The following SLC36A3 variants were observed in gnomAD, a reference collection of about 807,000 sequenced individuals.
SLC36A3 encodes the protein solute carrier family 36 member 3.
Under a neutral mutation model 44.3 loss-of-function variants are expected in SLC36A3, and 35 were observed. That is an observed-to-expected ratio of 0.79 (90% CI 0.60 to 1.05). SLC36A3 has a LOEUF of 1.05. Ranked by LOEUF, SLC36A3 falls within the 50% of genes least tolerant of loss-of-function variation. The pLI, the probability that SLC36A3 is intolerant of heterozygous loss-of-function variation, is 0.00. For missense variants in SLC36A3, 540 were observed against 578.7 expected, an observed-to-expected ratio of 0.93 and a Z score of 0.69; for synonymous variants, 211 against 227.6, an observed-to-expected ratio of 0.93 and a Z score of 0.66.
rs187420947 is a variant in SLC36A3 at position 151,302,709 on chromosome 5, C to T, written c.128+518G>A. Among the ~76,000 whole-genome samples the T allele has an allele frequency of 7.5e-3, 1,136 of 152,044 alleles. 14 individuals are homozygous for T. Among genetic ancestry groups the T allele is most frequent in the African/African-American group, 0.026 (1,082 of 41,446 alleles). On this transcript the variant is annotated intron_variant, in intron 1 of 9. Transcript: ENST00000335230. ...TACCTATGTAACAAACCCGCATGTCCTGTACATGTATCCTGGAACTTAAAA... is the reference window on the plus strand; with the variant it reads ...TACCTATGTAACAAACCCGCATGTCTTGTACATGTATCCTGGAACTTAAAA...
rs1302210267 is a variant in SLC36A3 at position 151,276,741 on chromosome 5, A to G, written c.*652T>C. 6.6e-6 allele frequency: 1 copy of G among 152,546 alleles called. No individual in the cohort carries two copies. The highest frequency in any genetic ancestry group is 6.5e-5 in the Admixed American group (1 of 15,318). The allele number at this position is 152,546 out of a possible 1,614,324, so 9.4% of individuals were successfully genotyped here. On this transcript the variant is annotated 3_prime_UTR_variant, in exon 10 of 10. Coordinates refer to ENST00000335230, the MANE Select transcript of SLC36A3 (RefSeq NM_181774.4). ...TTTCAGTTACTCCACCTCCTCACCA[A>G]CACTAGCATGGCCAGTTTTTGTGGT... is the stretch of plus-strand genomic sequence containing the variant.
chr5:151,295,040 G>A (rs536105682), intron 3 of SLC36A3, among the ~76,000 whole-genome samples: 1 of 148,676 alleles, frequency 6.7e-6, no homozygotes, highest in East Asian at 2.0e-4. Flanking sequence ...CTCTATATTA[G>A]AAAAAATAAA....
intron 3 of SLC36A3, among the ~76,000 whole-genome samples, 188 bp downstream of exon 3, chr5:151,295,992 C>CAGCA (rs1754945419): frequency 6.6e-6 from 1 of 152,188 alleles, no homozygotes; most frequent in South Asian, 2.1e-4. Flanking sequence ...TTAGCAGCAG[C>CAGCA]GTTGGATCTG....
chr5:151,296,312 A>G (rs1010900671), intron 2 of SLC36A3, 44 bp from the exon 3 acceptor site: 2 of 1,532,236 alleles, frequency 1.3e-6, no homozygotes, highest in Admixed American at 3.4e-5. Context: ...AGAAATGATC[A>G]CTCCCATTCC....
rs906032702 is a variant in SLC36A3, at chr5:151,284,686, G to A, written c.734C>T (p.Pro245Leu). ...GAAGGTCTTCCAGTTTGCCATCAAG[G>A]GTAGGTTGCTGGGATATGGAATCCC... ...MEGIPYPSNL[P>L]LMANWKTFLL... is the part of the protein sequence containing the mutation. Residue 245 changes from proline (P) to leucine (L), a missense_variant, in exon 7 of 10, where the codon CCC becomes CTC. Transcript: ENST00000335230. 1.9e-6 allele frequency: 3 copies of A among 1,613,026 alleles called. No individual in the cohort carries two copies. Among genetic ancestry groups the A allele is most frequent in the African/African-American group, 2.7e-5 (2 of 74,886 alleles).
intron 8 of SLC36A3, among the ~76,000 whole-genome samples, chr5:151,283,838 T>C (rs996498372): frequency 1.3e-5 from 2 of 152,270 alleles, no homozygotes; most frequent in African/African-American, 4.8e-5. Context: ...TCCAGGCACA[T>C]GGCAGAATTG....
intron 3 of SLC36A3, among the ~76,000 whole-genome samples, chr5:151,295,015 C>A: frequency 6.6e-6 from 1 of 151,858 alleles, no homozygotes; most frequent in East Asian, 1.9e-4. Flanking sequence ...AACTCTCAGG[C>A]CATCACTCTG....
In SLC36A3 at chr5:151,287,245, C is replaced by G; in HGVS notation, c.708+1G>C. 1 of 1,614,066 alleles carries G rather than the reference C, an allele frequency of 6.2e-7. No individual in the cohort carries two copies. Among genetic ancestry groups the G allele is most frequent in the African/African-American group, 1.3e-5 (1 of 75,014 alleles). ...GATCCTTTCTTCCCTATGGCACAGA[C>G]CTCCATGATATACTCAAAGATCAGA... On this transcript the variant is annotated splice_donor_variant, in intron 6 of 9. Coordinates refer to ENST00000335230, the MANE Select transcript of SLC36A3 (RefSeq NM_181774.4). LOFTEE classifies it high-confidence loss of function.
intron 8 of SLC36A3, among the ~76,000 whole-genome samples, chr5:151,281,759 A>T (rs1754323964): frequency 6.8e-6 from 1 of 147,296 alleles, no homozygotes; most frequent in Non-Finnish European, 1.5e-5. Flanking sequence ...TGGAGGTTGC[A>T]GTGAGCCGAA....
chr5:151,289,907 A>G (rs954792061), intron 4 of SLC36A3, among the ~76,000 whole-genome samples: 2 of 152,194 alleles, frequency 1.3e-5, no homozygotes, highest in Non-Finnish European at 2.9e-5. Flanking sequence ...TTGAGATGGC[A>G]TGATTATCCT....
intron 4 of SLC36A3, 89 bp downstream of exon 4, chr5:151,293,275 C>T (rs1754826839): frequency 9.2e-7 from 1 of 1,087,076 alleles, no homozygotes; most frequent in East Asian, 2.6e-5. Context: ...ACAATAAGAG[C>T]ATATTCATTT....
chr5:151,299,351 G>T (rs971068673), intron 1 of SLC36A3, among the ~76,000 whole-genome samples: 9 of 134,894 alleles, frequency 6.7e-5, no homozygotes, highest in African/African-American at 1.2e-4. Context: ...TTGTGGCAAA[G>T]TAGAGTCAGA....
At chr5:151,298,709 G>C in intron 1 of SLC36A3, 26 bp from the exon 2 acceptor site, 1 of 1,611,082 alleles carries the variant, frequency 6.2e-7, no homozygotes, top group Non-Finnish European at 8.5e-7. Flanking sequence ...TAGGGAGACA[G>C]AGGGTACTGT....
At chr5:151,299,652 C>A (rs187188902) in intron 1 of SLC36A3, among the ~76,000 whole-genome samples, 2 of 152,036 alleles carry the variant, frequency 1.3e-5, no homozygotes, top group African/African-American at 2.4e-5. Context: ...AAAGTACATG[C>A]GTAAGCATTG....
chr5:151,303,465 A>C lies in SLC36A3; in HGVS notation c.-111T>G, dbSNP rs574423371. 4 of 1,215,596 alleles carry C rather than the reference A, an allele frequency of 3.3e-6. No individual in the cohort carries two copies. The highest frequency in any genetic ancestry group is 4.6e-6 in the Non-Finnish European group (4 of 869,490). 75.3% of individuals were successfully genotyped at this position (1,215,596 alleles called of 1,614,324 possible). On this transcript the variant is annotated 5_prime_UTR_variant, in exon 1 of 10. Transcript: ENST00000335230. ...CTGCTGACCTGAGATGCTGGCTCCT[A>C]ACCCCAAGGATGCGTGCTGCTGGCT...
intron 1 of SLC36A3, 74 bp from the exon 2 acceptor site, chr5:151,298,757 T>C (rs1263623261): frequency 6.7e-7 from 1 of 1,494,444 alleles, no homozygotes; most frequent in East Asian, 2.3e-5. Flanking sequence ...TCAGCCTCCT[T>C]CTGGCATCTC....
intron 3 of SLC36A3, among the ~76,000 whole-genome samples, chr5:151,294,018 T>G (rs1373592019): frequency 6.6e-6 from 1 of 152,120 alleles, no homozygotes; most frequent in East Asian, 1.9e-4. Context: ...CTGGAGCAAG[T>G]GGAAACAGCA....
rs1269395440 is a variant in SLC36A3 at position 151,288,367 on chromosome 5, C to G, written c.489+19G>C. The G allele has an allele frequency of 6.3e-7, 1 of 1,582,012 alleles. No homozygotes were observed. The highest frequency in any genetic ancestry group is 1.4e-5 in the African/African-American group (1 of 73,664). ...GAGGTCTGCTTTTCCCCCACTCTGC[C>G]CAGAAGAGGGCTCTTTACCTGTTGT... On this transcript the variant is annotated intron_variant, in intron 5 of 9. Transcript: ENST00000335230.
chr5:151,299,394 T>A (rs866168070), intron 1 of SLC36A3, among the ~76,000 whole-genome samples: 4 of 133,026 alleles, frequency 3.0e-5, no homozygotes, highest in Non-Finnish European at 5.0e-5. Context: ...TATATATATA[T>A]TATATATATA....
Sources: gnomAD v4.1 joint callset for allele counts (sites outside exome capture counted in the v4.1 genomes callset) on GRCh38, gnomAD v4.1.1 for gene constraint, MANE v1.5 for transcripts, NCBI Gene and HGNC (gene_info 2026-07-23, HGNC 2026-07-21) for gene names.